Variants in GPR161 observed in about 807,000 individuals in gnomAD.
GPR161 encodes the protein G-protein coupled receptor RE2.
Under a neutral mutation model 39.2 loss-of-function variants are expected in GPR161, and 25 were observed. That is an observed-to-expected ratio of 0.64 (90% CI 0.47 to 0.89). The LOEUF (loss-of-function observed/expected upper bound fraction) is 0.89. Among genes scored for constraint, GPR161 ranks in the 40% least tolerant of loss-of-function variants. The probability of loss-of-function intolerance (pLI) is 0.00; values close to 1 mark genes in which losing one functional copy is unlikely to be tolerated. For synonymous variants in GPR161, 286 were observed against 276.6 expected, an observed-to-expected ratio of 1.03 and a Z score of -0.34; for missense variants, 547 against 677.8, an observed-to-expected ratio of 0.81 and a Z score of 2.14.
In GPR161 at chr1:168,084,935, C is replaced by T. The variant is rs778208964; in HGVS notation, c.*596G>A. The T allele has an allele frequency of 4.4e-6, 2 of 456,282 alleles. No individual in the cohort carries two copies. The highest frequency in any genetic ancestry group is 1.5e-5 in the South Asian group (1 of 64,574). 28.3% of individuals were successfully genotyped at this position (456,282 alleles called of 1,614,324 possible). Reference sequence around the variant, plus strand: ...TGTCCCTATTAGCACCAGCAGGTGGCGCCACTGAGGACCGCTCCGAAGCGC... The same window carrying T: ...TGTCCCTATTAGCACCAGCAGGTGGTGCCACTGAGGACCGCTCCGAAGCGC... On this transcript the variant is annotated 3_prime_UTR_variant, in exon 6 of 6. Coordinates refer to ENST00000682931, the MANE Select transcript of GPR161 (RefSeq NM_001375883.1).
At chr1:168,097,287 G>A (rs533055740) in intron 2 of GPR161, 55 bp from the exon 3 acceptor site, 303 of 1,548,098 alleles carry the variant, frequency 2.0e-4, no homozygotes, top group African/African-American at 3.6e-4. Context: ...AGAGAAAACC[G>A]CTGCCTTCCT....
At chr1:168,125,021 T>C (rs1339508623) in intron 1 of GPR161, among the ~76,000 whole-genome samples, 1 of 152,224 alleles carries the variant, frequency 6.6e-6, no homozygotes, top group Non-Finnish European at 1.5e-5. Flanking sequence ...CAACACAAAA[T>C]GGACTAATAA....
rs1694001618 is a variant in GPR161, at chr1:168,080,642, G to A, written c.*4889C>T. 1 of 152,214 alleles carries A rather than the reference G, an allele frequency of 6.6e-6. No individual in the cohort carries two copies. Among genetic ancestry groups the A allele is most frequent in the African/African-American group, 2.4e-5 (1 of 41,428 alleles). 9.4% of individuals were successfully genotyped at this position (152,214 alleles called of 1,614,324 possible). The stretch of plus-strand genomic sequence containing the variant: ...TGAACCCAAGAGCCACAGCCAGGCA[G>A]TCACTCTGTCACTACAGGACAGAGC... On this transcript the variant is annotated 3_prime_UTR_variant, in exon 6 of 6. Coordinates refer to ENST00000682931, the MANE Select transcript of GPR161 (RefSeq NM_001375883.1).
In GPR161 at chr1:168,117,347, T is replaced by C. The variant is rs143679308; in HGVS notation, c.-44-12453A>G. On this transcript the variant is annotated intron_variant, in intron 1 of 5. Coordinates refer to ENST00000682931, the MANE Select transcript of GPR161 (RefSeq NM_001375883.1). ...ACACACATAATCTCATTTGATTTTC[T>C]GAATAACTTTTACAGGTAGGGATGA... Among the ~76,000 whole-genome samples, 7 of 152,354 alleles carry C rather than the reference T, an allele frequency of 4.6e-5. No homozygotes were observed. In the East Asian group the frequency reaches 1.2e-3, roughly 25 times the overall value.
At chr1:168,106,297 T>G (rs1315130205) in intron 1 of GPR161, among the ~76,000 whole-genome samples, 1 of 152,230 alleles carries the variant, frequency 6.6e-6, no homozygotes, top group Non-Finnish European at 1.5e-5. Flanking sequence ...GAATACATTT[T>G]CTGGAGGCAG....
chr1:168,128,245 A>T (rs2102254404), intron 1 of GPR161, among the ~76,000 whole-genome samples: 1 of 152,294 alleles, frequency 6.6e-6, no homozygotes, highest in Non-Finnish European at 1.5e-5. Flanking sequence ...ATATCCAAGC[A>T]GTAGACACTG....
At chr1:168,120,808 T>C (rs562563366) in intron 1 of GPR161, among the ~76,000 whole-genome samples, 226 of 152,294 alleles carry the variant, frequency 1.5e-3, no homozygotes, top group Middle Eastern at 3.4e-3. Flanking sequence ...GTGAAGAAGG[T>C]AGTCACTTCT....
rs111512842 is a variant in GPR161, at chr1:168,103,133, G to A, written c.374+1344C>T. Among the ~76,000 whole-genome samples, 440 of 152,152 alleles carry A rather than the reference G, an allele frequency of 2.9e-3. 1 individual carries two copies. Among genetic ancestry groups the A allele is most frequent in the African/African-American group, 0.01 (418 of 41,514 alleles). ...TGAAGTCATCTAATCCAGTAACAGGGGACTGTGAAAATAATTTATATACCT... is the reference window on the plus strand; with the variant it reads ...TGAAGTCATCTAATCCAGTAACAGGAGACTGTGAAAATAATTTATATACCT... On this transcript the variant is annotated intron_variant, in intron 2 of 5. Coordinates refer to ENST00000682931, the MANE Select transcript of GPR161 (RefSeq NM_001375883.1).
At chr1:168,124,167 A>G (rs138887264) in intron 1 of GPR161, among the ~76,000 whole-genome samples, 25 of 152,246 alleles carry the variant, frequency 1.6e-4, no homozygotes, top group Non-Finnish European at 3.1e-4. Flanking sequence ...CAGGGCAAAC[A>G]CTGCTGCAAC....
chr1:168,104,689 C>A lies in GPR161; in HGVS notation c.162G>T (p.Lys54Asn). 6.2e-7 allele frequency: 1 copy of A among 1,613,896 alleles called. No homozygotes were observed. The highest frequency in any genetic ancestry group is 8.5e-7 in the Non-Finnish European group (1 of 1,179,786). ...TGCTGAGGGTGAGGAGGTAGGACTT[C>A]TTGTACAAGGTGACCACGATGACCA... The part of the protein sequence containing the change: ...GNLVIVVTLY[K>N]KSYLLTLSNK... The change falls in exon 2 of 6, where the codon AAG (lysine) becomes AAT (asparagine). Residue 54 changes from lysine (K) to asparagine (N), a missense_variant. Lys to Asn is a moderately conservative substitution (Grantham distance 94). Transcript: ENST00000682931.
chr1:168,097,374 A>G (rs1572274375), intron 2 of GPR161, 142 bp from the exon 3 acceptor site: 1 of 768,798 alleles, frequency 1.3e-6, no homozygotes, highest in East Asian at 2.6e-5. Context: ...GACAAGTTAT[A>G]TAGACTGCAT....
chr1:168,135,406 G>C (rs949057512), intron 1 of GPR161, among the ~76,000 whole-genome samples: 3 of 152,196 alleles, frequency 2.0e-5, no homozygotes, highest in Non-Finnish European at 4.4e-5. Context: ...AATAAGACGG[G>C]TGTGGAGGAG....
chr1:168,107,226 GAAAAA>G (rs199876264), intron 1 of GPR161, among the ~76,000 whole-genome samples: 1 of 151,518 alleles, frequency 6.6e-6, no homozygotes, highest in African/African-American at 2.4e-5. Flanking sequence ...AAAATCAAGA[GAAAAA>G]AAACAGATGA....
intron 1 of GPR161, among the ~76,000 whole-genome samples, chr1:168,121,358 T>C (rs531388687): frequency 6.6e-6 from 1 of 152,266 alleles, no homozygotes; most frequent in African/African-American, 2.4e-5. Context: ...TGTTGCGGCA[T>C]GTAGGAAAAT....
chr1:168,122,108 G>C (rs1446805863), intron 1 of GPR161, among the ~76,000 whole-genome samples: 2 of 152,188 alleles, frequency 1.3e-5, no homozygotes, highest in African/African-American at 2.4e-5. Context: ...CACAGGCATT[G>C]CAAGACTGTG....
chr1:168,095,352 G>C (rs1239172245), intron 3 of GPR161, among the ~76,000 whole-genome samples: 2 of 152,244 alleles, frequency 1.3e-5, no homozygotes, highest in Non-Finnish European at 2.9e-5. Flanking sequence ...CACTGCCCCA[G>C]TGTTAACGTT....
At chr1:168,094,197 C>T (rs1014169166) in intron 3 of GPR161, among the ~76,000 whole-genome samples, 2 of 152,190 alleles carry the variant, frequency 1.3e-5, no homozygotes, top group Non-Finnish European at 2.9e-5. Context: ...TTTTGTTCTA[C>T]GAACCCTTTC....
chr1:168,095,088 CT>C (rs1255108099), intron 3 of GPR161, among the ~76,000 whole-genome samples: 2 of 152,222 alleles, frequency 1.3e-5, no homozygotes, highest in African/African-American at 2.4e-5. Context: ...CACATCGCCC[CT>C]GTGGCATTTT....
intron 3 of GPR161, among the ~76,000 whole-genome samples, chr1:168,094,602 A>T (rs1014200182): frequency 6.6e-6 from 1 of 152,214 alleles, no homozygotes; most frequent in Non-Finnish European, 1.5e-5. Flanking sequence ...GCATAATTAG[A>T]GTCATTTCTT....
Sources: gnomAD v4.1 joint callset for allele counts (sites outside exome capture counted in the v4.1 genomes callset) on GRCh38, gnomAD v4.1.1 for gene constraint, MANE v1.5 for transcripts, NCBI Gene and HGNC (gene_info 2026-07-23, HGNC 2026-07-21) for gene names.